SCAI: variants seen among roughly 807,000 people sequenced by gnomAD.
SCAI encodes suppressor of cancer cell invasion.
Under a neutral mutation model 92.2 loss-of-function variants are expected in SCAI, and 24 were observed. That is an observed-to-expected ratio of 0.26 (90% CI 0.19 to 0.37). The LOEUF is 0.37. Among genes scored for constraint, SCAI ranks in the 10% least tolerant of loss-of-function variants. The probability of loss-of-function intolerance (pLI) is 1.00; values close to 1 mark genes in which losing one functional copy is unlikely to be tolerated. For synonymous variants in SCAI, 261 were observed against 258.6 expected (o/e 1.01, Z -0.09); for missense variants, 450 against 736.2 (o/e 0.61, Z 4.50).
chr9:125,008,953 G>A (rs555227748), intron 9 of SCAI, among the ~76,000 whole-genome samples: 1 of 152,172 alleles, frequency 6.6e-6, no homozygotes, highest in East Asian at 1.9e-4. Flanking sequence ...AAAACACACA[G>A]AGGAAAGAAA....
chr9:124,980,336 T>C, intron 14 of SCAI, among the ~76,000 whole-genome samples: 1 of 151,936 alleles, frequency 6.6e-6, no homozygotes, highest in Non-Finnish European at 1.5e-5. Context: ...CCAATAATAC[T>C]GTGCAGAGAA....
At position 125,059,683 on chromosome 9, in the gene SCAI, T is replaced by C. The variant is rs1462565351; in HGVS notation, c.99-3676A>G. 4.6e-5 allele frequency among the ~76,000 whole-genome samples: 7 copies of C among 152,334 alleles called. No homozygotes were observed. The East Asian group carries it at 1.3e-3, about 29-fold the overall frequency. ...CATTAAATGGTCATTCTATGAGATC[T>C]ATCAATTACACTGCAGAAAATTTAT... On this transcript the variant is annotated intron_variant, in intron 2 of 17. Transcript: ENST00000336505.
At chr9:125,011,750 A>C (rs1832645804) in intron 9 of SCAI, among the ~76,000 whole-genome samples, 2 of 152,226 alleles carry the variant, frequency 1.3e-5, no homozygotes, top group Admixed American at 6.5e-5. Context: ...CAAAGTTGAA[A>C]TGAAGGAAGA....
At chr9:125,128,473 G>A (rs920640281) in intron 2 of SCAI, among the ~76,000 whole-genome samples, 4 of 151,554 alleles carry the variant, frequency 2.6e-5, no homozygotes, top group African/African-American at 9.7e-5. Context: ...TACAAAAATG[G>A]CCAGGCGCTG....
At chr9:125,059,370 T>C (rs1376811024) in intron 2 of SCAI, among the ~76,000 whole-genome samples, 1 of 152,220 alleles carries the variant, frequency 6.6e-6, no homozygotes, top group Non-Finnish European at 1.5e-5. Context: ...ATCCTTCTGC[T>C]GTAAAGGATG....
chr9:125,012,864 G>A (rs1013792940), intron 9 of SCAI, among the ~76,000 whole-genome samples: 1 of 151,986 alleles, frequency 6.6e-6, no homozygotes, highest in African/African-American at 2.4e-5. Context: ...TAGAACTCAG[G>A]ATTAAGAAAC....
intron 2 of SCAI, among the ~76,000 whole-genome samples, chr9:125,089,780 C>T (rs1834394291): frequency 6.6e-6 from 1 of 152,114 alleles, no homozygotes; most frequent in East Asian, 1.9e-4. Flanking sequence ...TCACAGCTCA[C>T]TGCAACCTTG....
intron 13 of SCAI, among the ~76,000 whole-genome samples, chr9:124,998,585 C>T (rs948020040): frequency 1.3e-5 from 2 of 152,182 alleles, no homozygotes; most frequent in African/African-American, 4.8e-5. Context: ...TTCTATACCA[C>T]TGTAGCATGA....
intron 3 of SCAI, among the ~76,000 whole-genome samples, chr9:125,050,122 G>A (rs956024306): frequency 4.0e-5 from 6 of 151,858 alleles, no homozygotes; most frequent in Admixed American, 2.0e-4. Flanking sequence ...AATGCTAGAG[G>A]GAAAGGGCTT....
intron 7 of SCAI, 85 bp from the exon 8 acceptor site, chr9:125,019,290 C>T (rs1308492564): frequency 3.5e-5 from 25 of 718,624 alleles, no homozygotes; most frequent in Admixed American, 2.5e-4. Context: ...TGACAGAAAC[C>T]GACATACTTA....
At chr9:125,070,220 T>C (rs1833955631) in intron 2 of SCAI, among the ~76,000 whole-genome samples, 1 of 152,038 alleles carries the variant, frequency 6.6e-6, no homozygotes, top group Non-Finnish European at 1.5e-5. Context: ...TGATGATGGT[T>C]TTGCCATATT....
At chr9:125,131,264 C>A (rs1835394839) in intron 2 of SCAI, among the ~76,000 whole-genome samples, 1 of 151,728 alleles carries the variant, frequency 6.6e-6, no homozygotes, top group African/African-American at 2.4e-5. Context: ...AAAAATTAGC[C>A]AGGCATGATG....
At chr9:125,051,242 C>G (rs539990276) in intron 3 of SCAI, among the ~76,000 whole-genome samples, 9 of 151,342 alleles carry the variant, frequency 5.9e-5, no homozygotes, top group Non-Finnish European at 1.2e-4. Context: ...AGGCTGGTCT[C>G]GAACTCCTGA....
chr9:125,086,832 T>A (rs943630498), intron 2 of SCAI, among the ~76,000 whole-genome samples: 1 of 152,238 alleles, frequency 6.6e-6, no homozygotes. Context: ...GACCTCTTTG[T>A]GCTTCAACTT....
At chr9:125,101,260 T>G (rs1834672509) in intron 2 of SCAI, among the ~76,000 whole-genome samples, 1 of 152,148 alleles carries the variant, frequency 6.6e-6, no homozygotes, top group African/African-American at 2.4e-5. Context: ...GTGATTTGAC[T>G]GACATTTTAA....
At chr9:125,126,910 CTTCT>C (rs1331619535) in intron 2 of SCAI, among the ~76,000 whole-genome samples, 1 of 152,110 alleles carries the variant, frequency 6.6e-6, no homozygotes, top group Non-Finnish European at 1.5e-5. Flanking sequence ...GTCCTATTTG[CTTCT>C]TTGCCTCAAG....
intron 3 of SCAI, among the ~76,000 whole-genome samples, chr9:125,038,573 T>A (rs1833250112): frequency 6.6e-6 from 1 of 152,264 alleles, no homozygotes. Flanking sequence ...AAATGTTTTT[T>A]AAAATTTCAT....
rs1471285612 is a variant in SCAI, at chr9:124,977,077, C to G, written c.1327-891G>C. Reference sequence around the variant, plus strand: ...AGAGATGGGATTTTGCCATGTTGCCCAGGCTGGTCTTAAATTCATGAGCTC... The same window carrying G: ...AGAGATGGGATTTTGCCATGTTGCCGAGGCTGGTCTTAAATTCATGAGCTC... On this transcript the variant is annotated intron_variant, in intron 14 of 17. Transcript: ENST00000336505. Among the ~76,000 whole-genome samples, 3 of 152,032 alleles carry G rather than the reference C, an allele frequency of 2.0e-5. No individual in the cohort carries two copies. In the South Asian group the frequency reaches 6.2e-4, roughly 32 times the overall value.
chr9:125,019,105 AC>A lies in SCAI; in HGVS notation c.708+1del. On this transcript the variant is annotated splice_donor_variant, in intron 8 of 17. Coordinates refer to ENST00000336505, the MANE Select transcript of SCAI (RefSeq NM_001144877.3). LOFTEE classifies it high-confidence loss of function. ...TTATGATTTTTCTTATCAAAAACTG[AC>A]CTCAATGAAAGCTGCTACTTCTTGA... The A allele has an allele frequency of 6.3e-7, 1 of 1,590,834 alleles. No homozygotes were observed. Among genetic ancestry groups the A allele is most frequent in the Non-Finnish European group, 8.6e-7 (1 of 1,166,112 alleles).
Sources: allele counts gnomAD v4.1 joint callset (sites outside exome capture counted in the v4.1 genomes callset), GRCh38; gene constraint gnomAD v4.1.1; transcripts MANE v1.5; gene names NCBI Gene and HGNC (gene_info 2026-07-23, HGNC 2026-07-21).